The following MRPL1 variants were observed in gnomAD, a reference collection of about 807,000 sequenced individuals.
MRPL1 encodes the protein mitochondrial ribosomal protein L1.
MRPL1 carries 28 observed loss-of-function variants against 38.0 expected under a neutral mutation model. The observed-to-expected ratio is 0.74, with a 90% CI of 0.55 to 1.01. The LOEUF is 1.01. Ranked by LOEUF, MRPL1 falls within the 50% of genes least tolerant of loss-of-function variation. The pLI, the probability that MRPL1 is intolerant of heterozygous loss-of-function variation, is 0.00. For synonymous variants in MRPL1, 123 were observed against 126.7 expected (o/e 0.97, Z 0.20); for missense variants, 358 against 389.8 (o/e 0.92, Z 0.69).
chr4:77,908,350 A>C, intron 6 of MRPL1: 1 of 161,686 alleles, frequency 6.2e-6, no homozygotes. Flanking sequence ...CTCCTGCCTC[A>C]GCCTCCCAAG....
At chr4:77,922,437 C>G (rs926110517) in intron 7 of MRPL1, among the ~76,000 whole-genome samples, 2 of 151,998 alleles carry the variant, frequency 1.3e-5, no homozygotes, top group African/African-American at 2.4e-5. Flanking sequence ...AGATGGAGAC[C>G]CTTTGAAGGG....
chr4:77,862,927 C>T (rs749786071), intron 1 of MRPL1, 48 bp downstream of exon 1: 1 of 1,612,100 alleles, frequency 6.2e-7, no homozygotes, highest in Non-Finnish European at 8.5e-7. Flanking sequence ...GGCACCGAGT[C>T]TCTGGTTGCA....
chr4:77,891,632 A>G (rs1301311937), intron 5 of MRPL1, among the ~76,000 whole-genome samples: 1 of 152,222 alleles, frequency 6.6e-6, no homozygotes, highest in Non-Finnish European at 1.5e-5. Context: ...TTGGGATTAT[A>G]GGCGTGAGCC....
In MRPL1 at chr4:77,894,134, T is replaced by A. The variant is rs1295811384; in HGVS notation, c.559-5T>A. ...TGAGGTCACCTTTTTTTTTTTAATT[T>A]TCAGATTTGGGATGATGAAATTGTT... is the stretch of plus-strand genomic sequence containing the variant. On this transcript the variant is annotated splice_region_variant and splice_polypyrimidine_tract_variant and intron_variant, in intron 5 of 8. Coordinates refer to ENST00000315567, the MANE Select transcript of MRPL1 (RefSeq NM_020236.4). 5 of 1,560,522 alleles carry A rather than the reference T, an allele frequency of 3.2e-6. No individual in the cohort carries two copies. Among genetic ancestry groups the A allele is most frequent in the African/African-American group, 1.4e-5 (1 of 72,750 alleles).
chr4:77,890,863 T>G (rs1013154453), intron 5 of MRPL1, among the ~76,000 whole-genome samples: 6 of 152,150 alleles, frequency 3.9e-5, no homozygotes, highest in Non-Finnish European at 7.4e-5. Flanking sequence ...GAGGAGAAAG[T>G]AGACAGGAAA....
chr4:77,949,712 G>A, intron 7 of MRPL1, 85 bp from the exon 8 acceptor site: 1 of 920,514 alleles, frequency 1.1e-6, no homozygotes, highest in Admixed American at 2.2e-5. Context: ...ATTTGCATTG[G>A]TTGACTATTT....
intron 5 of MRPL1, among the ~76,000 whole-genome samples, chr4:77,890,611 A>G (rs1293812185): frequency 6.6e-6 from 1 of 152,212 alleles, no homozygotes; most frequent in Admixed American, 6.5e-5. Context: ...CCTATTCAAC[A>G]TAGTGTTGGA....
intron 7 of MRPL1, among the ~76,000 whole-genome samples, chr4:77,912,926 A>G (rs1736321946): frequency 6.6e-6 from 1 of 152,120 alleles, no homozygotes; most frequent in Admixed American, 6.6e-5. Flanking sequence ...ACAAGGTACA[A>G]TGGCATTTTT....
At chr4:77,929,954 C>T (rs930516268) in intron 7 of MRPL1, among the ~76,000 whole-genome samples, 5 of 152,136 alleles carry the variant, frequency 3.3e-5, no homozygotes, top group African/African-American at 9.7e-5. Flanking sequence ...CCTCTCTCTC[C>T]CACTGAATGC....
chr4:77,930,430 T>G (rs1359873749), intron 7 of MRPL1, among the ~76,000 whole-genome samples: 1 of 152,222 alleles, frequency 6.6e-6, no homozygotes, highest in Non-Finnish European at 1.5e-5. Flanking sequence ...CATTAGATTT[T>G]CAAAGGAATG....
chr4:77,924,000 CAA>C (rs33925926), intron 7 of MRPL1, among the ~76,000 whole-genome samples: 3,990 of 142,728 alleles, frequency 0.028, 148 homozygotes, highest in African/African-American at 0.094. Context: ...GACTCTGTCT[CAA>C]AAAAAAAAAA....
chr4:77,910,938 G>A (rs1736273621), intron 7 of MRPL1, among the ~76,000 whole-genome samples: 1 of 152,094 alleles, frequency 6.6e-6, no homozygotes, highest in African/African-American at 2.4e-5. Context: ...TCTTAGGGTT[G>A]ACAACATTGT....
chr4:77,910,967 A>G (rs573078713), intron 7 of MRPL1, among the ~76,000 whole-genome samples: 1 of 152,312 alleles, frequency 6.6e-6, no homozygotes, highest in African/African-American at 2.4e-5. Flanking sequence ...AACCAAACAA[A>G]TGAAACATAA....
intron 5 of MRPL1, among the ~76,000 whole-genome samples, chr4:77,890,465 T>G (rs1274933872): frequency 6.6e-6 from 1 of 152,132 alleles, no homozygotes; most frequent in Non-Finnish European, 1.5e-5. Context: ...CTCAATAAAC[T>G]AGGTATTGAT....
intron 7 of MRPL1, among the ~76,000 whole-genome samples, chr4:77,917,827 G>A (rs1323620212): frequency 6.6e-6 from 1 of 152,068 alleles, no homozygotes; most frequent in Non-Finnish European, 1.5e-5. Flanking sequence ...AAGCTGAGGT[G>A]GGCAGATCAC....
At chr4:77,907,679 C>T (rs1361240457) in intron 6 of MRPL1, among the ~76,000 whole-genome samples, 1 of 151,962 alleles carries the variant, frequency 6.6e-6, no homozygotes, top group African/African-American at 2.4e-5. Flanking sequence ...ATCCTCCTGC[C>T]TCAACCTCCC....
At chr4:77,877,437 GT>G (rs1274778377) in intron 2 of MRPL1, among the ~76,000 whole-genome samples, 3 of 120,536 alleles carry the variant, frequency 2.5e-5, no homozygotes, top group Non-Finnish European at 4.8e-5. Context: ...TTGCTGGAGG[GT>G]TTTTCTCAGC....
At chr4:77,871,901 T>A (rs1334701226) in intron 2 of MRPL1, 46 bp downstream of exon 2, 1 of 1,289,534 alleles carries the variant, frequency 7.8e-7, no homozygotes, top group South Asian at 1.3e-5. Flanking sequence ...GTCATTTTAA[T>A]TTTTTTTAAA....
chr4:77,905,617 G>A (rs112982772), intron 6 of MRPL1, among the ~76,000 whole-genome samples: 7,868 of 151,822 alleles, frequency 0.052, 273 homozygotes, highest in African/African-American at 0.099. Flanking sequence ...AATATACAAG[G>A]TCAAAGGAAG....
Sources: allele counts gnomAD v4.1 joint callset (sites outside exome capture counted in the v4.1 genomes callset), GRCh38; gene constraint gnomAD v4.1.1; transcripts MANE v1.5; gene names NCBI Gene and HGNC (gene_info 2026-07-23, HGNC 2026-07-21).